SLC8A3: variants seen among roughly 807,000 people sequenced by gnomAD.
SLC8A3 encodes the protein solute carrier family 8 member A3.
In SLC8A3, 37 loss-of-function variants were observed where a neutral mutation model predicts 65.4. The ratio of observed to expected loss-of-function variants is 0.57; its 90% CI spans 0.44 to 0.74. The LOEUF is 0.74. Ranked by LOEUF, SLC8A3 falls within the 30% of genes least tolerant of loss-of-function variation. SLC8A3 has a pLI of 0.00. For missense variants in SLC8A3, 1,112 were observed against 1,172.1 expected (o/e 0.95, Z 0.75); for synonymous variants, 461 against 444.5 (o/e 1.04, Z -0.47).
At chr14:70,116,033 T>C (rs1893636539) in intron 2 of SLC8A3, among the ~76,000 whole-genome samples, 1 of 152,146 alleles carries the variant, frequency 6.6e-6, no homozygotes, top group Admixed American at 6.5e-5. Flanking sequence ...CTCAAAGGAA[T>C]GCCTAGGCTT....
intron 2 of SLC8A3, among the ~76,000 whole-genome samples, chr14:70,137,823 G>T (rs1895307451): frequency 7.7e-6 from 1 of 129,068 alleles, no homozygotes; most frequent in African/African-American, 2.9e-5. Flanking sequence ...AAATCTCCCA[G>T]CACCTTGTTA....
At chr14:70,085,755 CAT>C (rs1454661226) in intron 2 of SLC8A3, among the ~76,000 whole-genome samples, 1 of 152,188 alleles carries the variant, frequency 6.6e-6, no homozygotes, top group Non-Finnish European at 1.5e-5. Flanking sequence ...TCCTATGCCA[CAT>C]GTTGTTTAAT....
At chr14:70,179,338 A>G (rs1882522354) in intron 1 of SLC8A3, among the ~76,000 whole-genome samples, 1 of 152,116 alleles carries the variant, frequency 6.6e-6, no homozygotes, top group Non-Finnish European at 1.5e-5. Context: ...CTAGTTTATC[A>G]TAGAATATAT....
intron 2 of SLC8A3, among the ~76,000 whole-genome samples, chr14:70,151,505 T>C (rs778992125): frequency 1.2e-5 from 1 of 84,538 alleles, no homozygotes; most frequent in African/African-American, 5.5e-5. Context: ...TTGAGAGCTG[T>C]GGGTCAGCGT....
chr14:70,188,312 A>G (rs941649257), intron 1 of SLC8A3, 67 bp downstream of exon 1: 2 of 152,232 alleles, frequency 1.3e-5, no homozygotes, highest in Admixed American at 6.5e-5. Context: ...AAGCCCCCCA[A>G]CCTCTACCTC....
At chr14:70,178,240 A>G (rs1882407324) in intron 1 of SLC8A3, among the ~76,000 whole-genome samples, 1 of 152,224 alleles carries the variant, frequency 6.6e-6, no homozygotes, top group Admixed American at 6.5e-5. Flanking sequence ...CTGTGGGACA[A>G]ATGGAACCCA....
intron 1 of SLC8A3, among the ~76,000 whole-genome samples, chr14:70,182,717 CA>C (rs1454317108): frequency 3.3e-5 from 5 of 151,976 alleles, no homozygotes; most frequent in African/African-American, 9.7e-5. Context: ...ATTAAAATCT[CA>C]AGAGTTTGTT....
intron 2 of SLC8A3, among the ~76,000 whole-genome samples, chr14:70,127,986 T>G (rs1894584271): frequency 6.6e-6 from 1 of 152,198 alleles, no homozygotes; most frequent in Admixed American, 6.5e-5. Flanking sequence ...GAGATCATTT[T>G]CACATGAATG....
chr14:70,107,432 C>G (rs2081487), intron 2 of SLC8A3, among the ~76,000 whole-genome samples: 1 of 151,940 alleles, frequency 6.6e-6, no homozygotes, highest in Non-Finnish European at 1.5e-5. Context: ...TGCATCTATA[C>G]ATCAGATCCT....
intron 5 of SLC8A3, 41 bp downstream of exon 5, chr14:70,050,967 G>C: frequency 1.5e-6 from 2 of 1,308,114 alleles, no homozygotes; most frequent in Non-Finnish European, 2.2e-6. Context: ...CTCAGAGGTT[G>C]CCTGCTTCTC....
chr14:70,070,245 A>G (rs1428015882), intron 2 of SLC8A3, among the ~76,000 whole-genome samples: 1 of 152,202 alleles, frequency 6.6e-6, no homozygotes, highest in Non-Finnish European at 1.5e-5. Flanking sequence ...AGCTCTAAGC[A>G]TTTTGCTTAT....
intron 2 of SLC8A3, among the ~76,000 whole-genome samples, chr14:70,068,873 C>T (rs1234977931): frequency 6.6e-6 from 1 of 152,106 alleles, no homozygotes; most frequent in Non-Finnish European, 1.5e-5. Flanking sequence ...ACTACAGGCA[C>T]CTGCCACCAT....
chr14:70,085,181 A>C (rs4902776), intron 2 of SLC8A3, among the ~76,000 whole-genome samples: 66,127 of 151,892 alleles, frequency 0.44, 15,292 homozygotes, highest in South Asian at 0.66. Flanking sequence ...TAACCTATAG[A>C]TTCTCTATCT....
chr14:70,165,262 C>T (rs1897104138), intron 2 of SLC8A3, among the ~76,000 whole-genome samples: 1 of 152,186 alleles, frequency 6.6e-6, no homozygotes, highest in Non-Finnish European at 1.5e-5. Context: ...GATGCAGGAT[C>T]CCCCGGGTCA....
chr14:70,172,794 G>A (rs1464430268), intron 1 of SLC8A3, among the ~76,000 whole-genome samples: 2 of 152,158 alleles, frequency 1.3e-5, no homozygotes, highest in Admixed American at 6.5e-5. Flanking sequence ...AGGGCAGAAT[G>A]CTATGAGAAT....
chr14:70,118,843 AAC>A (rs955950072), intron 2 of SLC8A3, among the ~76,000 whole-genome samples: 1 of 152,148 alleles, frequency 6.6e-6, no homozygotes, highest in Admixed American at 6.5e-5. Context: ...CACACACACA[AAC>A]ACACACAATT....
At chr14:70,096,942 A>G (rs1305491415) in intron 2 of SLC8A3, among the ~76,000 whole-genome samples, 1 of 152,212 alleles carries the variant, frequency 6.6e-6, no homozygotes, top group African/African-American at 2.4e-5. Context: ...CTTGTGAGTA[A>G]AAAGGGGACC....
intron 2 of SLC8A3, among the ~76,000 whole-genome samples, chr14:70,130,675 T>TTGGCGCCC (rs1425309243): frequency 1.3e-5 from 2 of 152,354 alleles, no homozygotes; most frequent in African/African-American, 4.8e-5. Flanking sequence ...ACAGTCCATC[T>TTGGCGCCC]TGGCGCCCTG....
In SLC8A3 at chr14:70,128,076, TTTTTGGATTCCCCATCTTAC is replaced by T. The variant is rs1352897589; in HGVS notation, c.1784+38543_1784+38562del. ...CAAAACCTTACAAACTTGTTCCTCG[TTTTTGGATTCCCCATCTTAC>T]TTAAGGGCAATCCTATACATCCTGT... On this transcript the variant is annotated intron_variant, in intron 2 of 6. Transcript: ENST00000356921. Among the ~76,000 whole-genome samples, 15 of 152,294 alleles carry T rather than the reference TTTTTGGATTCCCCATCTTAC, an allele frequency of 9.8e-5. No individual in the cohort carries two copies. In the East Asian group the frequency reaches 2.7e-3, roughly 27 times the overall value.
Sources: gnomAD v4.1 joint callset for allele counts (sites outside exome capture counted in the v4.1 genomes callset) on GRCh38, gnomAD v4.1.1 for gene constraint, MANE v1.5 for transcripts, NCBI Gene and HGNC (gene_info 2026-07-23, HGNC 2026-07-21) for gene names.